ADAM22: variants seen among roughly 807,000 people sequenced by gnomAD.
ADAM22 encodes the protein disintegrin and metalloproteinase domain-containing protein 22.
Under a neutral mutation model 144.6 loss-of-function variants are expected in ADAM22, and 65 were observed. That is an observed-to-expected ratio of 0.45 (90% CI 0.37 to 0.55). The LOEUF (loss-of-function observed/expected upper bound fraction) is 0.55, where lower values mean the gene tolerates loss of function less well. Ranked by LOEUF, ADAM22 falls within the 20% of genes least tolerant of loss-of-function variation. The pLI is 0.00. For missense variants in ADAM22, 974 were observed against 1,184.9 expected (o/e 0.82, Z 2.61); for synonymous variants, 391 against 412.6 (o/e 0.95, Z 0.63).
chr7:87,952,024 G>A (rs530961433), intron 2 of ADAM22, among the ~76,000 whole-genome samples: 3,428 of 149,480 alleles, frequency 0.023, 98 homozygotes, highest in African/African-American at 0.08. Flanking sequence ...TTGCTTATCA[G>A]CTTAAGGAGA....
chr7:88,048,709 A>G (rs1411398949), intron 3 of ADAM22, among the ~76,000 whole-genome samples: 1 of 152,120 alleles, frequency 6.6e-6, no homozygotes, highest in Non-Finnish European at 1.5e-5. Flanking sequence ...TTTTATATAC[A>G]GGGTGGTCGC....
intron 23 of ADAM22, among the ~76,000 whole-genome samples, 197 bp from the exon 24 acceptor site, chr7:88,165,635 G>A (rs1301665224): frequency 2.6e-5 from 4 of 151,748 alleles, no homozygotes; most frequent in Admixed American, 6.6e-5. Context: ...TTCCCTTTGG[G>A]TCAGTTGTTG....
In ADAM22 at chr7:88,045,348, T is replaced by C. The variant is rs190264982; in HGVS notation, c.324-30278T>C. Among the ~76,000 whole-genome samples the C allele has an allele frequency of 5.3e-5, 8 of 152,338 alleles. No individual in the cohort carries two copies. In the East Asian group the frequency reaches 1.2e-3, roughly 22 times the overall value. On this transcript the variant is annotated intron_variant, in intron 3 of 31. Transcript: ENST00000413139. ...GAGACATTTCAACCATGAATCTCCT[T>C]TGTTAATTCTTTCTATGTCTTGCAG...
At chr7:88,117,308 A>C (rs1213649853) in intron 7 of ADAM22, among the ~76,000 whole-genome samples, 1 of 152,238 alleles carries the variant, frequency 6.6e-6, no homozygotes, top group African/African-American at 2.4e-5. Context: ...TAATTTTAAG[A>C]GTGTTTGTCT....
intron 4 of ADAM22, among the ~76,000 whole-genome samples, chr7:88,094,834 T>G (rs1820833710): frequency 6.6e-6 from 1 of 152,220 alleles, no homozygotes; most frequent in Non-Finnish European, 1.5e-5. Flanking sequence ...TGGTTGTTAT[T>G]TTTAACTCCA....
chr7:88,027,278 T>A (rs1799216906), intron 3 of ADAM22, among the ~76,000 whole-genome samples: 1 of 152,216 alleles, frequency 6.6e-6, no homozygotes, highest in African/African-American at 2.4e-5. Context: ...TCCTCCACCA[T>A]TATTTGGAAT....
At chr7:88,184,329 G>A (rs750866956) in intron 29 of ADAM22, 20 of 437,412 alleles carry the variant, frequency 4.6e-5, no homozygotes, top group Middle Eastern at 3.3e-4. Flanking sequence ...GCACTCCCTC[G>A]CCCAGACAGT....
intron 15 of ADAM22, 147 bp from the exon 16 acceptor site, chr7:88,144,978 A>G: frequency 1.6e-6 from 1 of 618,986 alleles, no homozygotes; most frequent in Non-Finnish European, 2.8e-6. Flanking sequence ...CCAAGTTCTG[A>G]GCTCATGCTT....
intron 2 of ADAM22, among the ~76,000 whole-genome samples, chr7:87,946,617 C>G (rs1466685621): frequency 6.6e-6 from 1 of 152,170 alleles, no homozygotes; most frequent in Non-Finnish European, 1.5e-5. Context: ...AGTTCTTTCC[C>G]CATGGCTTAT....
intron 2 of ADAM22, among the ~76,000 whole-genome samples, chr7:87,941,867 TA>T (rs1364538166): frequency 6.6e-6 from 1 of 152,192 alleles, no homozygotes; most frequent in Non-Finnish European, 1.5e-5. Context: ...TATAGGTTGA[TA>T]AAAAATGTTC....
intron 7 of ADAM22, among the ~76,000 whole-genome samples, chr7:88,120,337 C>T (rs1394124390): frequency 6.6e-6 from 1 of 152,042 alleles, no homozygotes; most frequent in African/African-American, 2.4e-5. Flanking sequence ...CTTCCCCCAC[C>T]CCACAACAGG....
rs562509676 is a variant in ADAM22, at chr7:88,031,905, G to A, written c.324-43721G>A. ...GCTGCTGCTCCAGAGGGTGCAAGCT[G>A]GAGCTGCCAAGCCTTCCAGATGGTG... On this transcript the variant is annotated intron_variant, in intron 3 of 31. Transcript: ENST00000413139. Among the ~76,000 whole-genome samples, 3 of 152,364 alleles carry A rather than the reference G, an allele frequency of 2.0e-5. No homozygotes were observed. The East Asian group carries it at 5.8e-4, about 29-fold the overall frequency.
chr7:88,093,449 T>G (rs1820466082), intron 4 of ADAM22, among the ~76,000 whole-genome samples: 1 of 152,258 alleles, frequency 6.6e-6, no homozygotes, highest in South Asian at 2.1e-4. Context: ...TATTGAGTGG[T>G]TTGAGTGTTT....
rs10240698 is a variant in ADAM22, at chr7:88,075,750, A to T, written c.390+58A>T. On this transcript the variant is annotated intron_variant, in intron 4 of 31. Transcript: ENST00000413139. ...TGTTGAGAATCTTTTAATACTACTG[A>T]TTATTATTTTAATTTTCAATGATAT... The T allele has an allele frequency of 1.4e-3, 1,594 of 1,170,522 alleles. 26 individuals are homozygous for T. In the African/African-American group the frequency reaches 0.023, roughly 17 times the overall value. 72.5% of individuals were successfully genotyped at this position (1,170,522 alleles called of 1,614,324 possible).
rs943680259 is a variant in ADAM22, at chr7:88,200,222, C to T, written c.*3731C>T. 9.9e-5 allele frequency: 15 copies of T among 151,924 alleles called. No individual in the cohort carries two copies. Among genetic ancestry groups the T allele is most frequent in the African/African-American group, 2.7e-4 (11 of 41,318 alleles). The allele number at this position is 151,924 out of a possible 1,614,324, so 9.4% of individuals were successfully genotyped here. A position where few individuals can be genotyped will look rare whatever the true frequency, so the allele number is the denominator to read the frequency against. ...ATTTTATCCATTCATTTCCTATTGT[C>T]GTATAGTTCTAACCATATATATAGT... On this transcript the variant is annotated 3_prime_UTR_variant, in exon 32 of 32. Coordinates refer to ENST00000413139, the MANE Select transcript of ADAM22 (RefSeq NM_001324418.2).
intron 3 of ADAM22, among the ~76,000 whole-genome samples, chr7:88,029,825 A>G (rs1408409630): frequency 1.3e-5 from 2 of 151,840 alleles, no homozygotes; most frequent in Non-Finnish European, 2.9e-5. Flanking sequence ...TAAGATTTCC[A>G]TGGAAAAATC....
At chr7:87,948,159 G>T (rs1207909422) in intron 2 of ADAM22, among the ~76,000 whole-genome samples, 1 of 151,890 alleles carries the variant, frequency 6.6e-6, no homozygotes, top group Non-Finnish European at 1.5e-5. Context: ...ATGACCCTTG[G>T]TTTATTTTGT....
chr7:88,168,507 T>C (rs1586431795), intron 25 of ADAM22: 2 of 445,802 alleles, frequency 4.5e-6, no homozygotes, highest in East Asian at 1.2e-4. Flanking sequence ...TAAAAACTGG[T>C]AAGTTGTAAC....
At chr7:87,967,599 A>T (rs535367382) in intron 2 of ADAM22, among the ~76,000 whole-genome samples, 58 of 152,146 alleles carry the variant, frequency 3.8e-4, no homozygotes, top group African/African-American at 1.3e-3. Flanking sequence ...TCATGAGGTC[A>T]GGAGTTCGAG....
Sources: gnomAD v4.1 joint callset for allele counts (sites outside exome capture counted in the v4.1 genomes callset) on GRCh38, gnomAD v4.1.1 for gene constraint, MANE v1.5 for transcripts, NCBI Gene and HGNC (gene_info 2026-07-23, HGNC 2026-07-21) for gene names.